ELSPBP1: variants seen among roughly 807,000 people sequenced by gnomAD.
The protein encoded by ELSPBP1 is epididymal sperm-binding protein 1.
In ELSPBP1, 38 loss-of-function variants were observed where a neutral mutation model predicts 33.3. The observed-to-expected ratio is 1.14, with a 90% CI of 0.88 to 1.50. The LOEUF is 1.50. Among genes scored for constraint, ELSPBP1 ranks in the 40% most tolerant of loss-of-function variants. The pLI is 0.00. For missense variants in ELSPBP1, 267 were observed against 263.5 expected (o/e 1.01, Z -0.09); for synonymous variants, 85 against 94.1 (o/e 0.90, Z 0.56).
At chr19:48,022,506 T>G in intron 6 of ELSPBP1, 172 bp downstream of exon 6, 1 of 494,580 alleles carries the variant, frequency 2.0e-6, no homozygotes, top group Non-Finnish European at 3.4e-6. Context: ...TTAGCTGAGG[T>G]TCCCAGCAAT....
chr19:48,001,861 T>A (rs1417581735), intron 1 of ELSPBP1, among the ~76,000 whole-genome samples: 1 of 152,040 alleles, frequency 6.6e-6, no homozygotes, highest in Non-Finnish European at 1.5e-5. Context: ...TGTTTTTTTT[T>A]AATTTTAAGA....
intron 4 of ELSPBP1, among the ~76,000 whole-genome samples, chr19:48,016,690 C>T (rs868265772): frequency 6.6e-6 from 1 of 151,730 alleles, no homozygotes; most frequent in African/African-American, 2.4e-5. Context: ...CCTCTGCCTC[C>T]CAGGTTCAAA....
chr19:48,005,290 A>T (rs1237525888), intron 1 of ELSPBP1, among the ~76,000 whole-genome samples: 1 of 152,188 alleles, frequency 6.6e-6, no homozygotes, highest in East Asian at 1.9e-4. Flanking sequence ...GCTGCATATC[A>T]GTGAGGCAAC....
intron 4 of ELSPBP1, among the ~76,000 whole-genome samples, chr19:48,017,720 C>A (rs185770082): frequency 6.6e-6 from 1 of 151,692 alleles, no homozygotes; most frequent in Non-Finnish European, 1.5e-5. Flanking sequence ...TAGGAAGACC[C>A]GCTCTGTAAA....
At chr19:47,995,698 A>G (rs1350729358) in intron 1 of ELSPBP1, among the ~76,000 whole-genome samples, 13 of 152,214 alleles carry the variant, frequency 8.5e-5, no homozygotes. Context: ...ACTATACTTC[A>G]GTGACTTTAC....
chr19:48,023,457 G>GA (rs1967229328), intron 6 of ELSPBP1, among the ~76,000 whole-genome samples: 2 of 115,414 alleles, frequency 1.7e-5, no homozygotes, highest in African/African-American at 3.1e-5. Flanking sequence ...AAAGGGAGGA[G>GA]GGAAGGAATG....
At chr19:48,010,153 C>T (rs1967062507) in intron 2 of ELSPBP1, among the ~76,000 whole-genome samples, 1 of 152,122 alleles carries the variant, frequency 6.6e-6, no homozygotes, top group Non-Finnish European at 1.5e-5. Flanking sequence ...TCGGTGAACA[C>T]ACAGCCATCT....
At chr19:48,010,295 T>C (rs1383531568) in intron 2 of ELSPBP1, among the ~76,000 whole-genome samples, 1 of 152,194 alleles carries the variant, frequency 6.6e-6, no homozygotes, top group Non-Finnish European at 1.5e-5. Context: ...GGTATCCACT[T>C]TTCTAGTTAT....
chr19:48,005,606 G>A (rs533705370), intron 1 of ELSPBP1, among the ~76,000 whole-genome samples: 2 of 152,308 alleles, frequency 1.3e-5, no homozygotes, highest in East Asian at 3.9e-4. Context: ...ATGTCTGGGA[G>A]GCAGTTGAAA....
chr19:47,998,738 G>A (rs1375146841), intron 1 of ELSPBP1, among the ~76,000 whole-genome samples: 1 of 144,356 alleles, frequency 6.9e-6, no homozygotes, highest in Non-Finnish European at 1.5e-5. Flanking sequence ...AGTGAGCCGA[G>A]ATCGCGCCAC....
rs758184089 is a variant in ELSPBP1, at chr19:48,019,856, T to A, written c.493T>A (p.Trp165Arg). The change falls in exon 5 of 7, where the codon TGG becomes AGG. Residue 165 changes from tryptophan (W) to arginine (R), a missense_variant. Trp to Arg is a moderately radical substitution (Grantham distance 101). Coordinates refer to ENST00000339841, the MANE Select transcript of ELSPBP1 (RefSeq NM_022142.5). ...TTENMDKDGK[W>R]SFCADTRISA... is the part of the protein sequence containing the mutation. The stretch of plus-strand genomic sequence containing the variant: ...AGAGAACATGGATAAGGATGGAAAG[T>A]GGAGTTTCTGTGCCGACACCAGTAA... The A allele has an allele frequency of 1.3e-5, 21 of 1,609,750 alleles. No homozygotes were observed. The South Asian group carries it at 2.2e-4, about 17-fold the overall frequency.
At chr19:47,998,681 G>T (rs1966936300) in intron 1 of ELSPBP1, among the ~76,000 whole-genome samples, 1 of 151,972 alleles carries the variant, frequency 6.6e-6, no homozygotes, top group Non-Finnish European at 1.5e-5. Context: ...CAGCTACGCG[G>T]GAGGCTGAGG....
chr19:48,022,117 G>A (rs1050746059), intron 5 of ELSPBP1, 53 bp from the exon 6 acceptor site: 28 of 1,552,008 alleles, frequency 1.8e-5, no homozygotes, highest in East Asian at 1.1e-4. Flanking sequence ...ACGCCTCTAC[G>A]ACAGTGTGAA....
intron 6 of ELSPBP1, among the ~76,000 whole-genome samples, chr19:48,023,324 G>A (rs1329075351): frequency 7.8e-6 from 1 of 128,560 alleles, no homozygotes; most frequent in Admixed American, 8.3e-5. Context: ...AAGGAGAGAG[G>A]GAAAGAAGGA....
intron 2 of ELSPBP1, 48 bp downstream of exon 2, chr19:48,008,785 T>C (rs1333007144): frequency 6.6e-7 from 1 of 1,523,728 alleles, no homozygotes; most frequent in Admixed American, 1.7e-5. Flanking sequence ...TGGAGAAGAA[T>C]GAATGGGGCA....
chr19:48,012,391 T>C (rs1210167934), intron 2 of ELSPBP1, among the ~76,000 whole-genome samples: 1 of 152,144 alleles, frequency 6.6e-6, no homozygotes, highest in Non-Finnish European at 1.5e-5. Flanking sequence ...GTGCTGGGAT[T>C]ACAGGCATGG....
At chr19:48,010,563 A>G (rs12979309) in intron 2 of ELSPBP1, among the ~76,000 whole-genome samples, 25,445 of 152,190 alleles carry the variant, frequency 0.17, 2,195 homozygotes, top group South Asian at 0.23. Flanking sequence ...TGGCAACTGC[A>G]TTCATTTATA....
intron 6 of ELSPBP1, among the ~76,000 whole-genome samples, chr19:48,023,490 G>GGAGGGAAGGAATGGAGGAAGGGA (rs375435091): frequency 1.1e-5 from 1 of 89,930 alleles, no homozygotes; most frequent in African/African-American, 3.9e-5. Flanking sequence ...AGGGAAGGGA[G>GGAGGGAAGGAATGGAGGAAGGGA]GGAGGGAAGG....
intron 5 of ELSPBP1, among the ~76,000 whole-genome samples, chr19:48,021,652 G>A (rs190809221): frequency 2.0e-3 from 309 of 151,904 alleles, no homozygotes; most frequent in African/African-American, 5.7e-3. Flanking sequence ...GTTTCACCAC[G>A]TTGGCCAGGC....
Sources: allele counts gnomAD v4.1 joint callset (sites outside exome capture counted in the v4.1 genomes callset), GRCh38; gene constraint gnomAD v4.1.1; transcripts MANE v1.5; gene names NCBI Gene and HGNC (gene_info 2026-07-23, HGNC 2026-07-21).